The following RSF1 variants were observed in gnomAD, a reference collection of about 807,000 sequenced individuals.
RSF1 encodes the protein HBV pX-associated protein 8.
Under a neutral mutation model 145.2 loss-of-function variants are expected in RSF1, and 13 were observed. That is an observed-to-expected ratio of 0.09 (90% CI 0.06 to 0.14). The LOEUF (loss-of-function observed/expected upper bound fraction) is 0.14, where lower values mean the gene tolerates loss of function less well. Among genes scored for constraint, RSF1 ranks in the 10% least tolerant of loss-of-function variants. The pLI, the probability that RSF1 is intolerant of heterozygous loss-of-function variation, is 1.00. For synonymous variants in RSF1, 577 were observed against 592.6 expected, an observed-to-expected ratio of 0.97 and a Z score of 0.38; for missense variants, 1,517 against 1,718.2, an observed-to-expected ratio of 0.88 and a Z score of 2.07.
chr11:77,788,223 G>A (rs187837284), intron 1 of RSF1, among the ~76,000 whole-genome samples: 1 of 125,870 alleles, frequency 7.9e-6, no homozygotes, highest in Admixed American at 8.6e-5. Flanking sequence ...GCATGCAAAG[G>A]AAGCAGAAAA....
chr11:77,769,448 C>G (rs1948260222), intron 1 of RSF1, among the ~76,000 whole-genome samples: 1 of 152,188 alleles, frequency 6.6e-6, no homozygotes, highest in South Asian at 2.1e-4. Context: ...CCTAATTGAA[C>G]TGAAATATCC....
chr11:77,716,427 A>G (rs1021489859), intron 5 of RSF1, among the ~76,000 whole-genome samples: 14 of 152,256 alleles, frequency 9.2e-5, no homozygotes, highest in African/African-American at 3.4e-4. Context: ...ACATGATGGA[A>G]TATTATTCAA....
chr11:77,691,537 T>C (rs182503254), intron 8 of RSF1: 216 of 318,286 alleles, frequency 6.8e-4, no homozygotes, highest in African/African-American at 4.3e-3. Flanking sequence ...AACATGTGTA[T>C]GTAACAGTGA....
At chr11:77,742,433 C>T (rs936200703) in intron 3 of RSF1, among the ~76,000 whole-genome samples, 1 of 152,132 alleles carries the variant, frequency 6.6e-6, no homozygotes, top group Non-Finnish European at 1.5e-5. Flanking sequence ...GGGCGTGCCA[C>T]CATGCCCAGC....
intron 3 of RSF1, among the ~76,000 whole-genome samples, chr11:77,741,481 G>A (rs746908425): frequency 3.1e-4 from 47 of 151,876 alleles, no homozygotes; most frequent in Non-Finnish European, 5.1e-4. Flanking sequence ...CTGTGATCTC[G>A]CCACTGCACT....
At chr11:77,806,005 C>G (rs1306723183) in intron 1 of RSF1, among the ~76,000 whole-genome samples, 1 of 152,180 alleles carries the variant, frequency 6.6e-6, no homozygotes, top group Admixed American at 6.5e-5. Context: ...TTCTCTTTCT[C>G]AGATCTAGCC....
chr11:77,780,980 T>C (rs578128789), intron 1 of RSF1, among the ~76,000 whole-genome samples: 1 of 152,322 alleles, frequency 6.6e-6, no homozygotes, highest in African/African-American at 2.4e-5. Context: ...ACGAACTCTT[T>C]TTGTCTGGCT....
chr11:77,801,945 C>T (rs1035567581), intron 1 of RSF1, among the ~76,000 whole-genome samples: 1 of 151,692 alleles, frequency 6.6e-6, no homozygotes, highest in Non-Finnish European at 1.5e-5. Flanking sequence ...GCAGGAGGAC[C>T]GCTTGAGCCT....
At chr11:77,813,800 C>A in intron 1 of RSF1, 1 of 251,070 alleles carries the variant, frequency 4.0e-6, no homozygotes, top group Non-Finnish European at 7.9e-6. Flanking sequence ...CAAAGAGCGG[C>A]CATTTATAAT....
chr11:77,714,793 G>T (rs1014356644), intron 5 of RSF1, among the ~76,000 whole-genome samples: 5 of 151,912 alleles, frequency 3.3e-5, no homozygotes, highest in African/African-American at 4.8e-5. Context: ...AGTGAGCCAT[G>T]TTTGAGCCAC....
intron 1 of RSF1, among the ~76,000 whole-genome samples, chr11:77,783,818 G>A (rs1948428338): frequency 6.6e-6 from 1 of 151,982 alleles, no homozygotes; most frequent in South Asian, 2.1e-4. Flanking sequence ...CTCCAGCCTG[G>A]GTGACAGAGC....
chr11:77,799,180 AAAT>A (rs1200967878), intron 1 of RSF1, among the ~76,000 whole-genome samples: 4 of 151,936 alleles, frequency 2.6e-5, no homozygotes, highest in African/African-American at 2.4e-5. Flanking sequence ...AATAGTAAAA[AAAT>A]AATAATAATA....
At chr11:77,832,646 A>T in the RSF1 span, among the ~76,000 whole-genome samples, 1 of 150,680 alleles carries the variant, frequency 6.6e-6, no homozygotes, top group East Asian at 1.9e-4. Context: ...TTTTATATTT[A>T]TTCTTCAAAT....
At chr11:77,710,336 G>A (rs772780209) in intron 5 of RSF1, among the ~76,000 whole-genome samples, 4 of 151,926 alleles carry the variant, frequency 2.6e-5, no homozygotes, top group Non-Finnish European at 5.9e-5. Flanking sequence ...TTAGGCATAC[G>A]GTGTTATTAA....
At chr11:77,712,649 C>T (rs546690953) in intron 5 of RSF1, among the ~76,000 whole-genome samples, 1 of 152,286 alleles carries the variant, frequency 6.6e-6, no homozygotes, top group Non-Finnish European at 1.5e-5. Flanking sequence ...TTGCTTGCAA[C>T]AATTATTACT....
At chr11:77,670,310 T>C (rs541131815) in intron 15 of RSF1, among the ~76,000 whole-genome samples, 2 of 152,156 alleles carry the variant, frequency 1.3e-5, no homozygotes, top group Admixed American at 6.5e-5. Flanking sequence ...TTCATATTTA[T>C]TGTTCCATCT....
the RSF1 span, among the ~76,000 whole-genome samples, chr11:77,850,097 TAAAC>T: frequency 6.6e-6 from 1 of 152,256 alleles, no homozygotes; most frequent in African/African-American, 2.4e-5. Flanking sequence ...TAAATGTCAT[TAAAC>T]AAACTGTTTT....
At chr11:77,806,176 CT>C (rs1482646089) in intron 1 of RSF1, among the ~76,000 whole-genome samples, 8 of 152,008 alleles carry the variant, frequency 5.3e-5, no homozygotes, top group Admixed American at 3.9e-4. Context: ...CAGGTCACCC[CT>C]GGTGAAGATC....
intron 9 of RSF1, among the ~76,000 whole-genome samples, chr11:77,688,519 G>A (rs560952379): frequency 6.6e-6 from 1 of 152,276 alleles, no homozygotes; most frequent in South Asian, 2.1e-4. Context: ...AAAAACAAGA[G>A]AAACAGCACA....
Sources: gnomAD v4.1 joint callset for allele counts (sites outside exome capture counted in the v4.1 genomes callset) on GRCh38, gnomAD v4.1.1 for gene constraint, MANE v1.5 for transcripts, NCBI Gene and HGNC (gene_info 2026-07-23, HGNC 2026-07-21) for gene names.